Variants in TDRD3 observed in about 807,000 individuals in gnomAD.
The protein encoded by TDRD3 is tudor domain-containing protein 3.
TDRD3 carries 45 observed loss-of-function variants against 86.7 expected under a neutral mutation model. The ratio of observed to expected loss-of-function variants is 0.52; its 90% CI spans 0.41 to 0.67. TDRD3 has a LOEUF of 0.67. Among genes scored for constraint, TDRD3 ranks in the 30% least tolerant of loss-of-function variants. The pLI, the probability that TDRD3 is intolerant of heterozygous loss-of-function variation, is 0.00. For synonymous variants in TDRD3, 298 were observed against 301.7 expected (o/e 0.99, Z 0.13); for missense variants, 814 against 889.0 (o/e 0.92, Z 1.07).
rs985807101 is a variant in TDRD3, at chr13:60,403,508, T to A, written c.41+6103T>A. Among the ~76,000 whole-genome samples, 3 of 152,224 alleles carry A rather than the reference T, an allele frequency of 2.0e-5. No homozygotes were observed. The South Asian group carries it at 6.2e-4, about 31-fold the overall frequency. On this transcript the variant is annotated intron_variant, in intron 1 of 13. Transcript: ENST00000377881. ...CAGATAAATTTTGGAAGAAGAATAC[T>A]GAATGCCCAGAAATTTTCATGTAAA...
intron 1 of TDRD3, among the ~76,000 whole-genome samples, chr13:60,430,878 C>T (rs756885914): frequency 8.6e-5 from 13 of 151,952 alleles, no homozygotes; most frequent in African/African-American, 1.2e-4. Flanking sequence ...ATTTTAAAAT[C>T]GTCATGCTGT....
At chr13:60,569,687 G>A (rs536108665) in intron 13 of TDRD3, among the ~76,000 whole-genome samples, 5 of 152,224 alleles carry the variant, frequency 3.3e-5, no homozygotes, top group South Asian at 2.1e-4. Context: ...CTACAAAGCC[G>A]TAGTAAACAA....
At chr13:60,439,263 G>C (rs1452089532) in intron 1 of TDRD3, among the ~76,000 whole-genome samples, 1 of 152,168 alleles carries the variant, frequency 6.6e-6, no homozygotes, top group Non-Finnish European at 1.5e-5. Context: ...AGAAAGTCCA[G>C]AGAGAAGTTC....
intron 10 of TDRD3, among the ~76,000 whole-genome samples, chr13:60,514,513 G>A (rs918921455): frequency 7.2e-5 from 11 of 152,154 alleles, no homozygotes; most frequent in Non-Finnish European, 7.3e-5. Flanking sequence ...ACTGTGTGGG[G>A]AGGGCACACT....
chr13:60,545,861 A>G (rs1957928039), intron 12 of TDRD3, among the ~76,000 whole-genome samples: 1 of 151,946 alleles, frequency 6.6e-6, no homozygotes, highest in Non-Finnish European at 1.5e-5. Context: ...TGAACTGTTT[A>G]TTCTCTTCCT....
intron 12 of TDRD3, among the ~76,000 whole-genome samples, chr13:60,550,996 A>G (rs1043302156): frequency 6.6e-6 from 1 of 152,178 alleles, no homozygotes; most frequent in Non-Finnish European, 1.5e-5. Flanking sequence ...AGAAAGTATT[A>G]TGGATAATTC....
In TDRD3 at chr13:60,444,763, TAAC is replaced by T. The variant is rs758127583; in HGVS notation, c.192+16_192+18del. 3.6e-5 allele frequency: 50 copies of T among 1,383,198 alleles called. No homozygotes were observed. Among genetic ancestry groups the T allele is most frequent in the Non-Finnish European group, 4.7e-5 (48 of 1,025,588 alleles). 85.7% of individuals were successfully genotyped at this position (1,383,198 alleles called of 1,614,324 possible). ...AGGTAGAAAAGGTAAAGAAAATCAA[TAAC>T]TTCTTACATTAATTAATTTAGTTAC... On this transcript the variant is annotated intron_variant, in intron 3 of 13. Transcript: ENST00000377881.
chr13:60,488,319 T>C (rs1156883456), intron 7 of TDRD3, among the ~76,000 whole-genome samples: 1 of 152,220 alleles, frequency 6.6e-6, no homozygotes, highest in Non-Finnish European at 1.5e-5. Flanking sequence ...AGTTCTTTGA[T>C]ACTTTTTGAA....
At chr13:60,403,707 G>C (rs1954160016) in intron 1 of TDRD3, among the ~76,000 whole-genome samples, 2 of 152,166 alleles carry the variant, frequency 1.3e-5, no homozygotes. Flanking sequence ...CATAGACAGA[G>C]AGCCTATATG....
At chr13:60,420,379 A>C (rs886272322) in intron 1 of TDRD3, among the ~76,000 whole-genome samples, 52 of 134,008 alleles carry the variant, frequency 3.9e-4, no homozygotes, top group African/African-American at 4.3e-4. Flanking sequence ...CAATTTTATC[A>C]GTTTTTTTTT....
intron 8 of TDRD3, among the ~76,000 whole-genome samples, chr13:60,506,622 TG>T: frequency 6.6e-6 from 1 of 152,240 alleles, no homozygotes; most frequent in Non-Finnish European, 1.5e-5. Flanking sequence ...CTGGGCGTTG[TG>T]GTGCATGCCT....
intron 6 of TDRD3, among the ~76,000 whole-genome samples, chr13:60,484,414 G>A (rs761931865): frequency 9.2e-5 from 14 of 152,112 alleles, no homozygotes; most frequent in Non-Finnish European, 1.8e-4. Flanking sequence ...TTAGCGGTTG[G>A]TAATCTGTCT....
chr13:60,500,241 A>G (rs1381848633), intron 8 of TDRD3, among the ~76,000 whole-genome samples: 1 of 152,168 alleles, frequency 6.6e-6, no homozygotes, highest in Non-Finnish European at 1.5e-5. Context: ...TTTCTGACCT[A>G]TCTCACCATA....
chr13:60,536,240 A>G (rs1170001363), intron 12 of TDRD3: 2 of 152,020 alleles, frequency 1.3e-5, no homozygotes, highest in Non-Finnish European at 2.9e-5. Flanking sequence ...TGGGCCATGG[A>G]TCTTTATTTT....
At chr13:60,486,029 A>G (rs1414743384) in intron 7 of TDRD3, 81 bp downstream of exon 7, 5 of 1,378,084 alleles carry the variant, frequency 3.6e-6, no homozygotes, top group Non-Finnish European at 4.8e-6. Context: ...TTGTCTTTTC[A>G]TATAAGCTAA....
At chr13:60,426,914 G>A (rs1193210735) in intron 1 of TDRD3, among the ~76,000 whole-genome samples, 1 of 152,192 alleles carries the variant, frequency 6.6e-6, no homozygotes, top group Non-Finnish European at 1.5e-5. Flanking sequence ...ATATGGCATA[G>A]CCTGTTGCTC....
At chr13:60,512,585 AT>A (rs1957083278) in intron 10 of TDRD3, among the ~76,000 whole-genome samples, 3 of 152,352 alleles carry the variant, frequency 2.0e-5, no homozygotes, top group Admixed American at 6.5e-5. Context: ...GGGTACAGGC[AT>A]TAGGTAAATA....
chr13:60,467,727 T>G (rs1955978779), intron 5 of TDRD3, among the ~76,000 whole-genome samples: 1 of 152,234 alleles, frequency 6.6e-6, no homozygotes, highest in South Asian at 2.1e-4. Flanking sequence ...CTGTCTTATC[T>G]ACAGACACAC....
chr13:60,494,290 A>G, intron 7 of TDRD3, 145 bp from the exon 8 acceptor site: 2 of 869,176 alleles, frequency 2.3e-6, no homozygotes, highest in Non-Finnish European at 3.2e-6. Context: ...GCTATTCAAA[A>G]GGAGTAAGTT....
Sources: allele counts gnomAD v4.1 joint callset (sites outside exome capture counted in the v4.1 genomes callset), GRCh38; gene constraint gnomAD v4.1.1; transcripts MANE v1.5; gene names NCBI Gene and HGNC (gene_info 2026-07-23, HGNC 2026-07-21).